The following SNX14 variants were observed in gnomAD, a reference collection of about 807,000 sequenced individuals.
The protein encoded by SNX14 is sorting nexin 14.
Under a neutral mutation model 133.8 loss-of-function variants are expected in SNX14, and 93 were observed. That is an observed-to-expected ratio of 0.70 (90% CI 0.59 to 0.83). SNX14 has a LOEUF of 0.83. Among genes scored for constraint, SNX14 ranks in the 40% least tolerant of loss-of-function variants. SNX14 has a pLI of 0.00. For missense variants in SNX14, 945 were observed against 1,094.9 expected (o/e 0.86, Z 1.93); for synonymous variants, 368 against 365.6 (o/e 1.01, Z -0.07).
chr6:85,517,711 A>G (rs776819691), intron 23 of SNX14, 45 bp downstream of exon 23: 1 of 1,538,796 alleles, frequency 6.5e-7, no homozygotes, highest in Non-Finnish European at 8.7e-7. Flanking sequence ...AATCTCAAGT[A>G]GGGCAACTTA....
chr6:85,576,573 T>C (rs1384951838), intron 1 of SNX14, among the ~76,000 whole-genome samples: 1 of 152,168 alleles, frequency 6.6e-6, no homozygotes, highest in African/African-American at 2.4e-5. Flanking sequence ...CTCATGATAG[T>C]AGAAATGTGA....
chr6:85,585,452 G>C (rs952418763), intron 1 of SNX14, among the ~76,000 whole-genome samples: 1 of 151,492 alleles, frequency 6.6e-6, no homozygotes, highest in Non-Finnish European at 1.5e-5. Context: ...TCAGAAACTT[G>C]GGGGGAAAAA....
rs1438747848 is a variant in SNX14 at position 85,547,198 on chromosome 6, C to G, written c.1022G>C (p.Arg341Thr). 5 of 1,613,902 alleles carry G rather than the reference C, an allele frequency of 3.1e-6. No individual in the cohort carries two copies. Among genetic ancestry groups the G allele is most frequent in the Non-Finnish European group, 4.2e-6 (5 of 1,179,982 alleles). Residue 341 changes from arginine to threonine, a missense_variant, in exon 12 of 29, where the codon AGA becomes ACA. Physicochemically the swap from Arg to Thr is moderately conservative, Grantham distance 71 (BLOSUM62 -1). Coordinates refer to ENST00000314673, the MANE Select transcript of SNX14 (RefSeq NM_153816.6). The stretch of plus-strand genomic sequence containing the variant: ...ACGAAATAAAAGATCTTGTTGCTCT[C>G]TGATTTGCTTCAATTCTAACTTCAG... ...SVLKLELKQI[R>T]EQQDLLFRFM... is the part of the protein sequence containing the mutation.
At chr6:85,557,053 C>CA (rs1479588593) in intron 7 of SNX14, among the ~76,000 whole-genome samples, 4 of 152,014 alleles carry the variant, frequency 2.6e-5, no homozygotes, top group African/African-American at 9.7e-5. Flanking sequence ...TAGGACTACC[C>CA]AAAGCTTTTG....
In SNX14 at chr6:85,547,387, G is replaced by C. The variant is rs1295277331; in HGVS notation, c.923C>G (p.Ala308Gly). 1.2e-6 allele frequency: 2 copies of C among 1,613,120 alleles called. No individual in the cohort carries two copies. The highest frequency in any genetic ancestry group is 1.7e-6 in the Non-Finnish European group (2 of 1,179,834). Residue 308 changes from alanine (A) to glycine (G), a missense_variant, in exon 11 of 29, where the codon GCA becomes GGA. Physicochemically the swap from Ala to Gly is moderately conservative, Grantham distance 60. Around this residue, in one of 3 missense-constraint regions of SNX14, gnomAD observed 514 missense variants for 538.8 expected, o/e 0.95. Transcript: ENST00000314673. Reference sequence around the variant, plus strand: ...AACCAAAGGAGAAGCCGGTTCAGTTGCTTTTTCAGGCTTTGAAAGAAAGAG... The same window carrying C: ...AACCAAAGGAGAAGCCGGTTCAGTTCCTTTTTCAGGCTTTGAAAGAAAGAG... Reference protein sequence around the residue: ...IFIDDSPPEKATEPASPLVPF... With the variant: ...IFIDDSPPEKGTEPASPLVPF...
Position 85,554,253 on chromosome 6 carries a change from T to C in SNX14, c.634+3723A>G, listed in dbSNP as rs376658851. On this transcript the variant is annotated intron_variant, in intron 7 of 28. Transcript: ENST00000314673. ...ATATATATATATGTAGCTATACATA[T>C]GTATATAAATGTTGAATATACACAT... Among the ~76,000 whole-genome samples, 25 of 151,892 alleles carry C rather than the reference T, an allele frequency of 1.6e-4. No individual in the cohort carries two copies. The East Asian group carries it at 3.7e-3, about 22-fold the overall frequency.
chr6:85,574,505 T>C (rs1461797114), intron 1 of SNX14, 127 bp from the exon 2 acceptor site: 8 of 603,260 alleles, frequency 1.3e-5, no homozygotes, highest in Non-Finnish European at 2.2e-5. Flanking sequence ...TTTCAAATTA[T>C]GATTAATTTT....
rs551251659 is a variant in SNX14 at position 85,527,536 on chromosome 6, T to A, written c.1995+726A>T. On this transcript the variant is annotated intron_variant, in intron 20 of 28. Transcript: ENST00000314673. The stretch of plus-strand genomic sequence containing the variant: ...TAGGAAGCATCCAAATTTAACTGAA[T>A]GAAAAATTCTTAAAAAATATAAAAT... Among the ~76,000 whole-genome samples the A allele has an allele frequency of 2.6e-5, 4 of 152,034 alleles. No homozygotes were observed. The South Asian group carries it at 8.3e-4, about 31-fold the overall frequency.
In SNX14 at chr6:85,587,146, C is replaced by T. The variant is rs113935646; in HGVS notation, c.140+6433G>A. Among the ~76,000 whole-genome samples, 655 of 152,000 alleles carry T rather than the reference C, an allele frequency of 4.3e-3. 7 individuals are homozygous for T. Among genetic ancestry groups the T allele is most frequent in the African/African-American group, 0.015 (623 of 41,440 alleles). ...CCTCCCACCTCCACCTCCCAGAGAG[C>T]AAGAATTACAGGCATGGGCCACCTC... On this transcript the variant is annotated intron_variant, in intron 1 of 28. Coordinates refer to ENST00000314673, the MANE Select transcript of SNX14 (RefSeq NM_153816.6).
rs537109069 is a variant in SNX14 at position 85,557,899 on chromosome 6, C to T, written c.634+77G>A. ...GAATATGTAAGTTAATTAATCAGTA[C>T]TCATATTTAGATATTTCGGGTGAAA... is the stretch of plus-strand genomic sequence containing the variant. On this transcript the variant is annotated intron_variant, in intron 7 of 28. Coordinates refer to ENST00000314673, the MANE Select transcript of SNX14 (RefSeq NM_153816.6). 298 of 787,862 alleles carry T rather than the reference C, an allele frequency of 3.8e-4. 1 individual carries two copies. Among genetic ancestry groups the T allele is most frequent in the Non-Finnish European group, 4.3e-4 (195 of 451,642 alleles). 48.8% of individuals were successfully genotyped at this position (787,862 alleles called of 1,614,324 possible).
intron 21 of SNX14, among the ~76,000 whole-genome samples, chr6:85,520,042 C>T (rs1348308634): frequency 1.3e-5 from 2 of 148,274 alleles, no homozygotes; most frequent in East Asian, 3.9e-4. Context: ...GTAGTAGTAG[C>T]AGTAGTAGTA....
Position 85,574,290 on chromosome 6 carries a change from T to C in SNX14, c.229A>G (p.Asn77Asp), listed in dbSNP as rs1308179498. ...TTGTATTTTATTGTGAAGAATATAT[T>C]TGGTAAGAGAGAATCAGGTCCTAGT... The part of the protein sequence containing the change: ...CSLGPDSLLP[N>D]IFFTIKYKPK... Residue 77 changes from asparagine to aspartate, a missense_variant, in exon 2 of 29, where the codon AAT (asparagine) becomes GAT (aspartate). By Grantham distance (23) the Asn-to-Asp change is conservative (BLOSUM62 1). Coordinates refer to ENST00000314673, the MANE Select transcript of SNX14 (RefSeq NM_153816.6). 1 of 1,593,552 alleles carries C rather than the reference T, an allele frequency of 6.3e-7. No individual in the cohort carries two copies.
intron 1 of SNX14, among the ~76,000 whole-genome samples, chr6:85,576,197 C>T (rs141855758): frequency 1.9e-4 from 29 of 152,152 alleles, no homozygotes; most frequent in African/African-American, 6.7e-4. Context: ...AGGGACTGCC[C>T]GTATTATCTT....
chr6:85,506,217 G>C (rs1770596026), intron 28 of SNX14, among the ~76,000 whole-genome samples: 1 of 152,096 alleles, frequency 6.6e-6, no homozygotes, highest in Non-Finnish European at 1.5e-5. Flanking sequence ...GTCTCAAACA[G>C]AGCTAAAGGT....
At chr6:85,510,862 T>A (rs1345815595) in intron 26 of SNX14, among the ~76,000 whole-genome samples, 2 of 152,234 alleles carry the variant, frequency 1.3e-5, no homozygotes, top group Non-Finnish European at 2.9e-5. Context: ...GTAGTGTCAA[T>A]CCTGTGACTT....
chr6:85,593,824 A>G lies in SNX14; in HGVS notation c.-106T>C. 1.3e-6 allele frequency: 2 copies of G among 1,559,630 alleles called. No homozygotes were observed. Among genetic ancestry groups the G allele is most frequent in the Non-Finnish European group, 1.7e-6 (2 of 1,159,142 alleles). ...GCCCCACCGACTTGGCGGCGCACAC[A>G]GACGCCTACCGGCAGTTAGCCGCCG... On this transcript the variant is annotated 5_prime_UTR_variant, in exon 1 of 29. Transcript: ENST00000314673.
intron 2 of SNX14, 139 bp from the exon 3 acceptor site, chr6:85,572,513 C>A (rs562206196): frequency 4.5e-6 from 3 of 662,930 alleles, no homozygotes; most frequent in East Asian, 5.5e-5. Flanking sequence ...ACAGTGAAAT[C>A]TTTCTTTGTA....
chr6:85,593,418 C>G (rs1803546733), intron 1 of SNX14, among the ~76,000 whole-genome samples, 161 bp downstream of exon 1: 1 of 152,226 alleles, frequency 6.6e-6, no homozygotes. Context: ...CCGGCCTCGA[C>G]GCTCCGCCGT....
chr6:85,508,437 T>C (rs1197233433), intron 26 of SNX14: 4 of 924,898 alleles, frequency 4.3e-6, no homozygotes, highest in Non-Finnish European at 3.9e-6. Flanking sequence ...TGTACATACA[T>C]GTATAGAAAT....
Sources: gnomAD v4.1 joint callset for allele counts (sites outside exome capture counted in the v4.1 genomes callset) on GRCh38, gnomAD v4.1.1 for gene constraint, gnomAD v4.1.1 regional missense constraint, MANE v1.5 for transcripts, NCBI Gene and HGNC (gene_info 2026-07-23, HGNC 2026-07-21) for gene names.